SYN2: variants seen among roughly 807,000 people sequenced by gnomAD.
SYN2 encodes the protein synapsin-2.
In SYN2, 19 loss-of-function variants were observed where a neutral mutation model predicts 50.9. That is an observed-to-expected ratio of 0.37 (90% CI 0.26 to 0.55). The LOEUF is 0.55. Ranked by LOEUF, SYN2 falls within the 20% of genes least tolerant of loss-of-function variation. The probability of loss-of-function intolerance (pLI) is 0.81; values close to 1 mark genes in which losing one functional copy is unlikely to be tolerated. For synonymous variants in SYN2, 255 were observed against 224.9 expected (o/e 1.13, Z -1.20); for missense variants, 587 against 576.4 (o/e 1.02, Z -0.19).
intron 1 of SYN2, among the ~76,000 whole-genome samples, chr3:12,042,228 T>C (rs765233687): frequency 6.6e-6 from 1 of 152,218 alleles, no homozygotes; most frequent in African/African-American, 2.4e-5. Flanking sequence ...TTGTATATCA[T>C]GTTAAAGTTC....
intron 10 of SYN2, among the ~76,000 whole-genome samples, chr3:12,181,468 T>G (rs1050342248): frequency 9.2e-5 from 14 of 152,234 alleles, no homozygotes; most frequent in Admixed American, 9.2e-4. Flanking sequence ...AGCAGCTGTT[T>G]ATGACATAAA....
chr3:12,026,399 T>A (rs1392601761), intron 1 of SYN2, among the ~76,000 whole-genome samples: 1 of 152,072 alleles, frequency 6.6e-6, no homozygotes, highest in Non-Finnish European at 1.5e-5. Context: ...TTTCTACCCT[T>A]AACCTTTAAA....
chr3:12,187,345 A>G, intron 11 of SYN2, 24 bp from the exon 12 acceptor site: 1 of 1,502,664 alleles, frequency 6.7e-7, no homozygotes, highest in East Asian at 2.5e-5. Flanking sequence ...TTAAATTATG[A>G]AGTTTTTCTT....
rs532030509 is a variant in SYN2 at position 12,145,427 on chromosome 3, T to G, written c.528-252T>G. On this transcript the variant is annotated intron_variant, in intron 3 of 12. Coordinates refer to ENST00000621198, the MANE Select transcript of SYN2 (RefSeq NM_133625.6). ...GATGTGTGCCTGTAGTACTACTTAC[T>G]TAGCAGGCTAAGGCAGGAGGATCAC... Among the ~76,000 whole-genome samples, 6 of 152,322 alleles carry G rather than the reference T, an allele frequency of 3.9e-5. 1 individual carries two copies. Among genetic ancestry groups the G allele is most frequent in the African/African-American group, 1.4e-4 (6 of 41,584 alleles).
intron 10 of SYN2, among the ~76,000 whole-genome samples, chr3:12,174,056 G>C (rs886492681): frequency 6.6e-6 from 1 of 151,926 alleles, no homozygotes; most frequent in Non-Finnish European, 1.5e-5. Flanking sequence ...CCCATCGCTT[G>C]GTTTTCATTC....
intron 1 of SYN2, among the ~76,000 whole-genome samples, chr3:12,086,983 C>G (rs566277845): frequency 1.1e-4 from 16 of 151,968 alleles, no homozygotes; most frequent in Non-Finnish European, 1.9e-4. Context: ...AAAAACTATT[C>G]GAACTGATAA....
At chr3:12,063,119 G>C (rs1003217192) in intron 1 of SYN2, among the ~76,000 whole-genome samples, 8 of 151,838 alleles carry the variant, frequency 5.3e-5, no homozygotes, top group African/African-American at 1.7e-4. Flanking sequence ...CAGGAGATTT[G>C]GGGGGTGGTG....
At chr3:12,177,831 C>T (rs1698118672) in intron 10 of SYN2, among the ~76,000 whole-genome samples, 1 of 152,188 alleles carries the variant, frequency 6.6e-6, no homozygotes, top group Non-Finnish European at 1.5e-5. Context: ...CCTCAGTGCC[C>T]CCAGAAGACT....
At chr3:12,006,837 A>T (rs1292330592) in intron 1 of SYN2, among the ~76,000 whole-genome samples, 1 of 152,244 alleles carries the variant, frequency 6.6e-6, no homozygotes, top group Non-Finnish European at 1.5e-5. Context: ...TGGAGTGGTT[A>T]GTGAGAGCCA....
chr3:12,026,278 T>C (rs1694255539), intron 1 of SYN2, among the ~76,000 whole-genome samples: 1 of 152,212 alleles, frequency 6.6e-6, no homozygotes, highest in African/African-American at 2.4e-5. Flanking sequence ...AATAATTATA[T>C]GACAAATATA....
In SYN2 at chr3:12,145,713, C is replaced by T. The variant is rs763021155; in HGVS notation, c.562C>T (p.His188Tyr). Residue 188 changes from histidine to tyrosine, a missense_variant, in exon 4 of 13, where the codon CAT becomes TAT. His to Tyr is a moderately conservative substitution (Grantham distance 83, BLOSUM62 2). Transcript: ENST00000621198. ...FRPDFVLIRQ[H>Y]AFGMAENEDF... ...GCCAGACTTCGTGCTCATCCGGCAG[C>T]ATGCATTTGGCATGGCGGAGAATGA... 1.9e-6 allele frequency: 3 copies of T among 1,614,020 alleles called. No individual in the cohort carries two copies. Among genetic ancestry groups the T allele is most frequent in the Non-Finnish European group, 1.7e-6 (2 of 1,179,876 alleles).
chr3:12,125,842 GA>G (rs5846749), intron 1 of SYN2, among the ~76,000 whole-genome samples: 81,167 of 137,854 alleles, frequency 0.59, 23,923 homozygotes, highest in East Asian at 0.74. Context: ...GTCTAAAAGT[GA>G]AAAAAAAAAA....
At chr3:12,131,883 G>T (rs570835154) in intron 1 of SYN2, among the ~76,000 whole-genome samples, 1 of 152,144 alleles carries the variant, frequency 6.6e-6, no homozygotes, top group Admixed American at 6.5e-5. Context: ...GCCTCCCACA[G>T]ATCACCTGAT....
chr3:12,168,524 AC>A (rs1559451624), intron 9 of SYN2, 46 bp downstream of exon 9: 1 of 1,521,658 alleles, frequency 6.6e-7, no homozygotes, highest in South Asian at 1.2e-5. Flanking sequence ...AGGCTTAAGA[AC>A]TATGTGGGCA....
At chr3:12,049,507 A>C (rs1283053400) in intron 1 of SYN2, among the ~76,000 whole-genome samples, 10 of 141,946 alleles carry the variant, frequency 7.0e-5, no homozygotes, top group African/African-American at 2.6e-4. Flanking sequence ...TGACAGAGTG[A>C]GACTCCGTCT....
At chr3:12,110,100 G>T (rs1696280768) in intron 1 of SYN2, among the ~76,000 whole-genome samples, 1 of 152,152 alleles carries the variant, frequency 6.6e-6, no homozygotes, top group Admixed American at 6.5e-5. Flanking sequence ...GAGACAAGAG[G>T]GTTGCTTGAG....
chr3:12,182,561 G>T (rs1015106003), intron 10 of SYN2, among the ~76,000 whole-genome samples: 1 of 152,188 alleles, frequency 6.6e-6, no homozygotes, highest in Non-Finnish European at 1.5e-5. Context: ...ATGCTGTTTG[G>T]GAGGGAAAAG....
chr3:12,058,177 A>G (rs1695036511), intron 1 of SYN2, among the ~76,000 whole-genome samples: 1 of 152,200 alleles, frequency 6.6e-6, no homozygotes. Context: ...GACCATTTGC[A>G]TGTTTTTGAA....
Position 12,136,554 on chromosome 3 carries a change from C to CT in SYN2, c.378-4095dup, listed in dbSNP as rs1164071246. ...TAAAAGAGGGCGTATTTAAGCTAGG[C>CT]TTGCCTGGGTTGGGCCAAGTTTTGT... On this transcript the variant is annotated intron_variant, in intron 1 of 12. Coordinates refer to ENST00000621198, the MANE Select transcript of SYN2 (RefSeq NM_133625.6). 7.9e-5 allele frequency among the ~76,000 whole-genome samples: 12 copies of CT among 152,220 alleles called. No homozygotes were observed. In the East Asian group the frequency reaches 2.3e-3, roughly 29 times the overall value.
Sources: gnomAD v4.1 joint callset for allele counts (sites outside exome capture counted in the v4.1 genomes callset) on GRCh38, gnomAD v4.1.1 for gene constraint, MANE v1.5 for transcripts, NCBI Gene and HGNC (gene_info 2026-07-23, HGNC 2026-07-21) for gene names.